Variants in PCDH15 observed in about 807,000 individuals in gnomAD.
PCDH15 encodes the protein protocadherin related 15, also known as protocadherin-15.
PCDH15 carries 129 observed loss-of-function variants against 178.5 expected under a neutral mutation model. That is an observed-to-expected ratio of 0.72 (90% CI 0.63 to 0.84). The LOEUF is 0.84. Among genes scored for constraint, PCDH15 ranks in the 40% least tolerant of loss-of-function variants. The pLI, the probability that PCDH15 is intolerant of heterozygous loss-of-function variation, is 0.00. For synonymous variants in PCDH15, 800 were observed against 732.0 expected (o/e 1.09, Z -1.50); for missense variants, 2,230 against 2,099.9 (o/e 1.06, Z -1.21).
intron 2 of PCDH15, among the ~76,000 whole-genome samples, chr10:55,594,963 A>G (rs956320794): frequency 6.6e-6 from 1 of 152,006 alleles, no homozygotes; most frequent in African/African-American, 2.4e-5. Flanking sequence ...TGATTTCTAG[A>G]TCTGTTGGGA....
intron 8 of PCDH15, among the ~76,000 whole-genome samples, chr10:54,314,011 C>A (rs1409437222): frequency 6.6e-6 from 1 of 151,988 alleles, no homozygotes; most frequent in Admixed American, 6.6e-5. Flanking sequence ...TCAATGTATA[C>A]CTTCTCTTGG....
chr10:55,279,881 C>T (rs1426911035), intron 1 of PCDH15, among the ~76,000 whole-genome samples: 2 of 152,068 alleles, frequency 1.3e-5, no homozygotes, highest in Non-Finnish European at 2.9e-5. Flanking sequence ...CCACAGTTTT[C>T]GATTTTCTAT....
Position 54,023,098 on chromosome 10 carries a change from C to T in PCDH15, c.2320G>A (p.Ala774Thr). The part of the protein sequence containing the change: ...RITSNGSIYT[A>T]VKLNREVRDY... ...CTGACTTCTCTGTTAAGCTTCACTGCTGTGTAAATGCTCCCATTGGATGTG... is the reference window on the plus strand; with the variant it reads ...CTGACTTCTCTGTTAAGCTTCACTGTTGTGTAAATGCTCCCATTGGATGTG... The change falls in exon 19 of 38, where the codon GCA becomes ACA. Residue 774 changes from alanine to threonine, a missense_variant. Ala to Thr is a moderately conservative substitution (Grantham distance 58, BLOSUM62 0). Transcript: ENST00000644397. 2 of 1,613,928 alleles carry T rather than the reference C, an allele frequency of 1.2e-6. No individual in the cohort carries two copies. The highest frequency in any genetic ancestry group is 1.1e-5 in the South Asian group (1 of 91,076).
intron 25 of PCDH15, among the ~76,000 whole-genome samples, chr10:53,924,403 T>A (rs1421350396): frequency 6.6e-6 from 1 of 152,180 alleles, no homozygotes; most frequent in Non-Finnish European, 1.5e-5. Flanking sequence ...TCACTGGGCC[T>A]CAGCTGCCTC....
chr10:55,442,454 A>ATT (rs1193171368), intron 2 of PCDH15, among the ~76,000 whole-genome samples: 11 of 79,402 alleles, frequency 1.4e-4, no homozygotes, highest in African/African-American at 5.1e-4. Context: ...TCTTAATTTG[A>ATT]TTATATATAT....
intron 25 of PCDH15, among the ~76,000 whole-genome samples, chr10:53,936,817 G>A (rs2085617301): frequency 6.6e-6 from 1 of 151,942 alleles, no homozygotes; most frequent in South Asian, 2.1e-4. Flanking sequence ...ATATGTGGTA[G>A]GGCAACTAAT....
At chr10:54,767,571 G>C (rs1382074722) in intron 1 of PCDH15, among the ~76,000 whole-genome samples, 1 of 152,100 alleles carries the variant, frequency 6.6e-6, no homozygotes, top group Non-Finnish European at 1.5e-5. Context: ...CATCACAGTT[G>C]AGAAATCCGA....
chr10:54,256,392 A>G (rs2056900367), intron 8 of PCDH15, among the ~76,000 whole-genome samples: 1 of 152,236 alleles, frequency 6.6e-6, no homozygotes, highest in South Asian at 2.1e-4. Context: ...GTCCTAATTA[A>G]TTAACCAACA....
intron 2 of PCDH15, among the ~76,000 whole-genome samples, chr10:54,938,581 A>G (rs1258845812): frequency 6.6e-6 from 1 of 152,144 alleles, no homozygotes; most frequent in Non-Finnish European, 1.5e-5. Context: ...AGACATTTAT[A>G]CTTTTCTATT....
intron 1 of PCDH15, among the ~76,000 whole-genome samples, chr10:55,277,337 T>C (rs1008590316): frequency 1.3e-5 from 2 of 152,044 alleles, no homozygotes; most frequent in South Asian, 2.1e-4. Flanking sequence ...AAAAGTATAC[T>C]CCCTTAAAAA....
chr10:53,984,122 C>CTTTTTTTTTTTTTTTTTTTTTTTTT (rs57184119), intron 21 of PCDH15, among the ~76,000 whole-genome samples: 3 of 112,688 alleles, frequency 2.7e-5, no homozygotes, highest in Non-Finnish European at 3.5e-5. Context: ...AAGTGCTTTT[C>CTTTTTTTTTTTTTTTTTTTTTTTTT]TTTTTTTTTT....
At chr10:54,804,435 G>A (rs1433458889), upstream of PCDH15, among the ~76,000 whole-genome samples, 1 of 152,098 alleles carries the variant, frequency 6.6e-6, no homozygotes, top group Admixed American at 6.6e-5. Context: ...GCAATGCCAT[G>A]ATGAATATAA....
At chr10:55,221,512 A>G (rs1840874291) in intron 1 of PCDH15, among the ~76,000 whole-genome samples, 2 of 152,068 alleles carry the variant, frequency 1.3e-5, no homozygotes, top group Admixed American at 6.5e-5. Flanking sequence ...GACAAATAGA[A>G]TCGTGTCGCT....
At chr10:55,069,248 G>GTTTTTTTT (rs80094733) in intron 2 of PCDH15, among the ~76,000 whole-genome samples, 8 of 129,664 alleles carry the variant, frequency 6.2e-5, no homozygotes, top group Non-Finnish European at 8.0e-5. Context: ...CTGGTATTTT[G>GTTTTTTTT]TTTTTTTTTT....
chr10:54,602,503 T>C (rs1332129253), intron 2 of PCDH15, among the ~76,000 whole-genome samples: 1 of 151,996 alleles, frequency 6.6e-6, no homozygotes, highest in Non-Finnish European at 1.5e-5. Context: ...TGTATCATTG[T>C]TCTTGACTAG....
intron 2 of PCDH15, among the ~76,000 whole-genome samples, chr10:55,616,953 TTATAA>T (rs947992936): frequency 2.6e-5 from 4 of 152,046 alleles, no homozygotes; most frequent in Admixed American, 2.6e-4. Context: ...ATGTAACACA[TTATAA>T]TATATTAAAG....
chr10:55,057,161 G>A (rs1164804333), intron 2 of PCDH15, among the ~76,000 whole-genome samples: 1 of 151,900 alleles, frequency 6.6e-6, no homozygotes, highest in Non-Finnish European at 1.5e-5. Flanking sequence ...GAGACTCCTG[G>A]GTCCAACCAA....
intron 3 of PCDH15, among the ~76,000 whole-genome samples, chr10:54,417,367 T>C (rs563358168): frequency 2.0e-5 from 3 of 152,086 alleles, no homozygotes; most frequent in African/African-American, 7.2e-5. Context: ...TAGTCTAGCA[T>C]AAATGACGAA....
intron 26 of PCDH15, among the ~76,000 whole-genome samples, chr10:53,896,428 T>C (rs747339135): frequency 1.3e-5 from 2 of 152,172 alleles, no homozygotes; most frequent in Non-Finnish European, 2.9e-5. Context: ...CTTTGAGATA[T>C]ATATTTTTTA....
Sources: gnomAD v4.1 joint callset for allele counts (sites outside exome capture counted in the v4.1 genomes callset) on GRCh38, gnomAD v4.1.1 for gene constraint, MANE v1.5 for transcripts, NCBI Gene and HGNC (gene_info 2026-07-23, HGNC 2026-07-21) for gene names.